Variants in FIGN observed in about 807,000 individuals in gnomAD.
The protein encoded by FIGN is fidgetin, microtubule severing factor.
In FIGN, 11 loss-of-function variants were observed where a neutral mutation model predicts 51.3. The observed-to-expected ratio is 0.21, with a 90% confidence interval of 0.13 to 0.35. The LOEUF (loss-of-function observed/expected upper bound fraction) is 0.35. Among genes scored for constraint, FIGN ranks in the 10% least tolerant of loss-of-function variants. The probability of loss-of-function intolerance (pLI) is 1.00; values close to 1 mark genes in which losing one functional copy is unlikely to be tolerated. For synonymous variants in FIGN, 407 were observed against 363.2 expected (o/e 1.12, Z -1.37); for missense variants, 857 against 943.6 (o/e 0.91, Z 1.20).
intron 2 of FIGN, among the ~76,000 whole-genome samples, chr2:163,713,938 T>C (rs945546847): frequency 3.3e-5 from 5 of 152,178 alleles, no homozygotes; most frequent in Non-Finnish European, 7.4e-5. Context: ...CTCCCTCCGT[T>C]ACATACCATC....
intron 2 of FIGN, among the ~76,000 whole-genome samples, chr2:163,729,653 C>T (rs1488791975): frequency 6.6e-6 from 1 of 152,040 alleles, no homozygotes; most frequent in Admixed American, 6.6e-5. Flanking sequence ...TAACCTTGGG[C>T]CTTCATATAA....
At chr2:163,669,576 T>TA (rs989859367) in intron 2 of FIGN, among the ~76,000 whole-genome samples, 14 of 152,006 alleles carry the variant, frequency 9.2e-5, no homozygotes, top group Non-Finnish European at 7.4e-5. Context: ...GGAAACCATT[T>TA]AAAAATCTGT....
intron 2 of FIGN, among the ~76,000 whole-genome samples, chr2:163,681,090 C>T (rs573441187): frequency 1.1e-4 from 16 of 152,234 alleles, no homozygotes; most frequent in African/African-American, 3.8e-4. Flanking sequence ...GTTCACATAT[C>T]AATTAAATTT....
Position 163,609,662 on chromosome 2 carries a change from C to CG in FIGN, c.2169dup (p.Val724ArgfsTer7). ...GCATTTTCAAAGTCTTGATATGTAA[C>CG]GGGCCTCAACTGGCTGGGCATAATG... On this transcript the variant is annotated frameshift_variant, in exon 3 of 3. Transcript: ENST00000333129. LOFTEE classifies it high-confidence loss of function. The CG allele has an allele frequency of 6.2e-7, 1 of 1,614,002 alleles. No homozygotes were observed. Among genetic ancestry groups the CG allele is most frequent in the Non-Finnish European group, 8.5e-7 (1 of 1,180,010 alleles).
intron 2 of FIGN, among the ~76,000 whole-genome samples, chr2:163,650,447 G>C (rs1040777303): frequency 1.3e-4 from 19 of 151,850 alleles, no homozygotes; most frequent in Admixed American, 2.6e-4. Context: ...GAATGTGCAG[G>C]TTTTGTTACA....
At chr2:163,674,262 G>A (rs916958739) in intron 2 of FIGN, among the ~76,000 whole-genome samples, 4 of 152,236 alleles carry the variant, frequency 2.6e-5, no homozygotes, top group East Asian at 1.9e-4. Context: ...CTGAATGTGC[G>A]TGTGTGCGTG....
chr2:163,693,534 G>A (rs1339710332), intron 2 of FIGN, among the ~76,000 whole-genome samples: 1 of 152,032 alleles, frequency 6.6e-6, no homozygotes, highest in East Asian at 1.9e-4. Context: ...TATCAGGGAA[G>A]GACTCCTTTT....
At chr2:163,729,631 G>A (rs1040118286) in intron 2 of FIGN, among the ~76,000 whole-genome samples, 1 of 152,044 alleles carries the variant, frequency 6.6e-6, no homozygotes, top group Non-Finnish European at 1.5e-5. Context: ...GAGCTATAGG[G>A]TAAAAAACGT....
chr2:163,637,697 G>A (rs1683247765), intron 2 of FIGN, among the ~76,000 whole-genome samples: 1 of 151,584 alleles, frequency 6.6e-6, no homozygotes, highest in Non-Finnish European at 1.5e-5. Context: ...AGAATGTGAA[G>A]CACAATCCTT....
intron 2 of FIGN, among the ~76,000 whole-genome samples, chr2:163,692,844 T>C (rs1037945714): frequency 2.0e-5 from 3 of 151,330 alleles, no homozygotes; most frequent in African/African-American, 7.3e-5. Flanking sequence ...CCAGAGAGAG[T>C]GAGGGAGACA....
chr2:163,677,211 G>A (rs1011005523), intron 2 of FIGN, among the ~76,000 whole-genome samples: 2 of 152,186 alleles, frequency 1.3e-5, no homozygotes, highest in African/African-American at 4.8e-5. Flanking sequence ...GGAAATAAAA[G>A]GTGTAAAATA....
chr2:163,706,852 C>A (rs1684507093), intron 2 of FIGN, among the ~76,000 whole-genome samples: 1 of 151,944 alleles, frequency 6.6e-6, no homozygotes, highest in South Asian at 2.1e-4. Flanking sequence ...TTTTCTAGAG[C>A]AATAATCTCA....
chr2:163,714,946 C>T (rs1201619590), intron 2 of FIGN, among the ~76,000 whole-genome samples: 1 of 152,098 alleles, frequency 6.6e-6, no homozygotes, highest in East Asian at 1.9e-4. Context: ...TATTTATAGC[C>T]GATGGGCCTA....
intron 2 of FIGN, among the ~76,000 whole-genome samples, chr2:163,645,458 G>A (rs889175480): frequency 8.5e-5 from 13 of 152,276 alleles, no homozygotes; most frequent in Admixed American, 2.6e-4. Context: ...AAACAAAGTG[G>A]AGTTACTGAA....
intron 2 of FIGN, among the ~76,000 whole-genome samples, chr2:163,717,475 A>C (rs899621793): frequency 1.5e-4 from 23 of 152,068 alleles, no homozygotes; most frequent in African/African-American, 5.3e-4. Flanking sequence ...ATAGAGTCAT[A>C]GTATTTTGGG....
At chr2:163,617,261 T>G (rs1682893915) in intron 2 of FIGN, 5 of 981,978 alleles carry the variant, frequency 5.1e-6, no homozygotes, top group African/African-American at 1.7e-5. Flanking sequence ...TTGTTCCATC[T>G]TTAGAGGACC....
At chr2:163,697,312 G>C (rs991117726) in intron 2 of FIGN, among the ~76,000 whole-genome samples, 3 of 151,656 alleles carry the variant, frequency 2.0e-5, no homozygotes, top group East Asian at 3.9e-4. Flanking sequence ...AGTTGGCCAG[G>C]CTGGTCTTGA....
intron 2 of FIGN, among the ~76,000 whole-genome samples, chr2:163,722,345 T>C (rs1461659383): frequency 6.6e-6 from 1 of 152,172 alleles, no homozygotes; most frequent in Non-Finnish European, 1.5e-5. Context: ...GTGCACATAT[T>C]TGCAAACTGC....
intron 2 of FIGN, among the ~76,000 whole-genome samples, chr2:163,638,436 A>G (rs1339648798): frequency 6.6e-6 from 1 of 152,174 alleles, no homozygotes; most frequent in Admixed American, 6.5e-5. Flanking sequence ...ATTCCAAAAC[A>G]CTAATTGCTC....
Sources: gnomAD v4.1 joint callset for allele counts (sites outside exome capture counted in the v4.1 genomes callset) on GRCh38, gnomAD v4.1.1 for gene constraint, MANE v1.5 for transcripts, NCBI Gene and HGNC (gene_info 2026-07-23, HGNC 2026-07-21) for gene names.